The following NRXN3 variants were observed in gnomAD, a reference collection of about 807,000 sequenced individuals.
The protein encoded by NRXN3 is neurexin III.
NRXN3 carries 32 observed loss-of-function variants against 137.6 expected under a neutral mutation model. The ratio of observed to expected loss-of-function variants is 0.23; its 90% CI spans 0.18 to 0.31. The LOEUF is 0.31. Among genes scored for constraint, NRXN3 ranks in the 10% least tolerant of loss-of-function variants. NRXN3 has a pLI of 1.00. For synonymous variants in NRXN3, 798 were observed against 784.5 expected (o/e 1.02, Z -0.29); for missense variants, 1,574 against 2,062.5 (o/e 0.76, Z 4.59).
intron 16 of NRXN3, among the ~76,000 whole-genome samples, chr14:79,656,018 T>TA (rs2098503820): frequency 6.6e-6 from 1 of 152,200 alleles, no homozygotes; most frequent in Non-Finnish European, 1.5e-5. Context: ...CCGCTGGTGA[T>TA]ACTGCTGCTG....
intron 4 of NRXN3, among the ~76,000 whole-genome samples, chr14:78,362,968 G>A (rs1597790951): frequency 6.6e-6 from 1 of 152,240 alleles, no homozygotes; most frequent in East Asian, 1.9e-4. Flanking sequence ...AAGTTAGATT[G>A]GTTCTAATGA....
At chr14:78,625,173 C>T (rs956259137) in intron 4 of NRXN3, among the ~76,000 whole-genome samples, 2 of 152,166 alleles carry the variant, frequency 1.3e-5, no homozygotes, top group African/African-American at 4.8e-5. Flanking sequence ...GGGCATTTGA[C>T]TAGGGACATC....
intron 4 of NRXN3, chr14:78,403,584 G>T: frequency 3.2e-6 from 1 of 316,128 alleles, no homozygotes; most frequent in Non-Finnish European, 4.6e-6. Context: ...AAAACACCCT[G>T]TCCCGGGCCC....
intron 1 of NRXN3, among the ~76,000 whole-genome samples, chr14:78,241,477 G>C (rs2067074710): frequency 6.6e-6 from 1 of 152,074 alleles, no homozygotes; most frequent in Non-Finnish European, 1.5e-5. Context: ...AAAATTAGCT[G>C]TGCATGGTGG....
intron 20 of NRXN3, among the ~76,000 whole-genome samples, chr14:79,826,570 T>C (rs1258427189): frequency 6.6e-6 from 1 of 152,220 alleles, no homozygotes; most frequent in African/African-American, 2.4e-5. Context: ...ATTCAGTGTG[T>C]ATTTCCTAAC....
chr14:78,929,960 T>C (rs1455460830), intron 10 of NRXN3, among the ~76,000 whole-genome samples: 1 of 152,212 alleles, frequency 6.6e-6, no homozygotes, highest in African/African-American at 2.4e-5. Flanking sequence ...CAAGTGCTTC[T>C]AGACCATTGC....
chr14:79,111,133 G>T lies in NRXN3; in HGVS notation c.3262+122992G>T, dbSNP rs372353013. Among the ~76,000 whole-genome samples, 12 of 152,188 alleles carry T rather than the reference G, an allele frequency of 7.9e-5. No homozygotes were observed. In the South Asian group the frequency reaches 2.5e-3, roughly 32 times the overall value. On this transcript the variant is annotated intron_variant, in intron 15 of 20. Coordinates refer to ENST00000335750, the MANE Select transcript of NRXN3 (RefSeq NM_001330195.2). ...AGTTTTTTGGGAAATTGAGAATGGA[G>T]AAGGGAAAAAGGAGTAAGGACATGA...
intron 15 of NRXN3, among the ~76,000 whole-genome samples, chr14:79,094,583 G>A (rs1304680005): frequency 6.6e-6 from 1 of 152,146 alleles, no homozygotes; most frequent in Non-Finnish European, 1.5e-5. Context: ...TATTGATACA[G>A]TTCTAAGGGA....
chr14:78,514,532 G>A (rs1327390534), intron 4 of NRXN3, among the ~76,000 whole-genome samples: 1 of 152,126 alleles, frequency 6.6e-6, no homozygotes, highest in Non-Finnish European at 1.5e-5. Flanking sequence ...GTTTCTGACT[G>A]ACAGTTTATT....
chr14:79,431,737 A>G (rs1432226705), intron 15 of NRXN3, among the ~76,000 whole-genome samples: 1 of 152,188 alleles, frequency 6.6e-6, no homozygotes, highest in Non-Finnish European at 1.5e-5. Context: ...CATAAATTTA[A>G]AATGAACCTG....
chr14:79,595,834 A>G (rs183810848), intron 16 of NRXN3, among the ~76,000 whole-genome samples: 3 of 152,330 alleles, frequency 2.0e-5, no homozygotes, highest in East Asian at 1.9e-4. Flanking sequence ...GTAATTGCAT[A>G]TGTGGTTCAC....
intron 4 of NRXN3, among the ~76,000 whole-genome samples, chr14:78,459,130 C>T (rs995787394): frequency 2.0e-5 from 3 of 152,176 alleles, no homozygotes; most frequent in Admixed American, 1.3e-4. Context: ...GGGGTTTCTA[C>T]TGAAGACCTG....
chr14:78,426,979 A>G (rs1263354077), intron 4 of NRXN3, among the ~76,000 whole-genome samples: 1 of 152,130 alleles, frequency 6.6e-6, no homozygotes, highest in East Asian at 1.9e-4. Flanking sequence ...GCAGAATCTC[A>G]TAGTTTCCTG....
chr14:79,428,704 G>A (rs986753140), intron 15 of NRXN3, among the ~76,000 whole-genome samples: 1 of 152,066 alleles, frequency 6.6e-6, no homozygotes, highest in Admixed American at 6.6e-5. Flanking sequence ...CCTAAGTTGT[G>A]GAAAATGTGA....
chr14:79,368,877 T>A (rs1013024883), intron 15 of NRXN3, among the ~76,000 whole-genome samples: 2 of 152,220 alleles, frequency 1.3e-5, no homozygotes, highest in African/African-American at 2.4e-5. Context: ...TTTTTGTGGA[T>A]TCCATTTCCA....
At chr14:78,637,637 A>G (rs1204265379) in intron 4 of NRXN3, among the ~76,000 whole-genome samples, 1 of 152,230 alleles carries the variant, frequency 6.6e-6, no homozygotes, top group African/African-American at 2.4e-5. Flanking sequence ...ATAGATTTAG[A>G]TAAGTTTCAG....
chr14:79,750,148 C>T (rs2154088262), intron 19 of NRXN3, among the ~76,000 whole-genome samples: 1 of 152,224 alleles, frequency 6.6e-6, no homozygotes, highest in South Asian at 2.1e-4. Context: ...TTAGAACCAT[C>T]TCAAATGCTT....
chr14:78,999,907 G>C (rs988050008), intron 15 of NRXN3, among the ~76,000 whole-genome samples: 1 of 152,190 alleles, frequency 6.6e-6, no homozygotes, highest in Non-Finnish European at 1.5e-5. Flanking sequence ...GAGTGAGATA[G>C]TAGAACTTTA....
At chr14:78,803,527 C>T (rs2098845807) in intron 8 of NRXN3, 93 bp from the exon 9 acceptor site, 4 of 1,135,726 alleles carry the variant, frequency 3.5e-6, no homozygotes, top group South Asian at 1.2e-5. Flanking sequence ...ACAAATCTGG[C>T]ACCCTCTCTA....
Sources: allele counts gnomAD v4.1 joint callset (sites outside exome capture counted in the v4.1 genomes callset), GRCh38; gene constraint gnomAD v4.1.1; transcripts MANE v1.5; gene names NCBI Gene and HGNC (gene_info 2026-07-23, HGNC 2026-07-21).